Variants in MICAL3 observed in about 807,000 individuals in gnomAD.
The protein encoded by MICAL3 is [F-actin]-monooxygenase MICAL3.
In MICAL3, 62 loss-of-function variants were observed where a neutral mutation model predicts 207.4. The ratio of observed to expected loss-of-function variants is 0.30; its 90% confidence interval spans 0.24 to 0.37. MICAL3 has a LOEUF of 0.37. MICAL3 is among the 10% of genes least tolerant of loss of function. The probability of loss-of-function intolerance (pLI) is 1.00; values close to 1 mark genes in which losing one functional copy is unlikely to be tolerated. For synonymous variants in MICAL3, 1,077 were observed against 1,069.3 expected (o/e 1.01, Z -0.14); for missense variants, 2,368 against 2,635.6 (o/e 0.90, Z 2.22).
At chr22:17,949,396 C>CA (rs1934226900) in intron 1 of MICAL3, among the ~76,000 whole-genome samples, 1 of 152,086 alleles carries the variant, frequency 6.6e-6, no homozygotes, top group African/African-American at 2.4e-5. Context: ...AATGTTACCT[C>CA]ACTGTAGAAA....
intron 1 of MICAL3, among the ~76,000 whole-genome samples, chr22:17,944,649 C>G (rs1012127358): frequency 1.3e-5 from 2 of 152,198 alleles, no homozygotes; most frequent in Non-Finnish European, 2.9e-5. Context: ...GACGATAGGA[C>G]TGTGGGGACA....
rs565271774 is a variant in MICAL3, at chr22:17,826,533, C to T, written c.3193+1111G>A. On this transcript the variant is annotated intron_variant, in intron 22 of 31. Coordinates refer to ENST00000441493, the MANE Select transcript of MICAL3 (RefSeq NM_015241.3). ...GGTCGGGCACTGAATTTAAAACAGA[C>T]GACAAATACAAAGTTACACAGCAAT... is the stretch of plus-strand genomic sequence containing the variant. 133 of 985,152 alleles carry T rather than the reference C, an allele frequency of 1.4e-4. No individual in the cohort carries two copies. The East Asian group carries it at 1.7e-3, about 13-fold the overall frequency. 61.0% of individuals were successfully genotyped at this position (985,152 alleles called of 1,614,324 possible). A position where few individuals can be genotyped will look rare whatever the true frequency, so the allele number is the denominator to read the frequency against.
At position 17,864,960 on chromosome 22, in the gene MICAL3, G is replaced by A. The variant is rs569095141; in HGVS notation, c.2544C>T (p.Gly848=). The A allele has an allele frequency of 8.3e-5, 134 of 1,611,502 alleles. No homozygotes were observed. In the South Asian group the frequency reaches 1.2e-3, roughly 14 times the overall value. ...CCCGTCCGTTTGCATCTGTGGTGGC[G>A]CCATCCTGCAGGGGTCCTTTGGCCT... is the stretch of plus-strand genomic sequence containing the variant. ...GKEAKGPLQD[G]ATTDANGRAN... is the part of the protein sequence containing the mutation. The change falls in exon 19 of 32, where the codon GGC becomes GGT. Residue 848 remains glycine, a synonymous_variant. Transcript: ENST00000441493.
At chr22:17,875,623 G>T in intron 16 of MICAL3, 1 of 811,890 alleles carries the variant, frequency 1.2e-6, no homozygotes, top group Non-Finnish European at 1.8e-6. Flanking sequence ...ACTGACCTCT[G>T]AACATAAGAT....
In MICAL3 at chr22:17,936,423, C is replaced by T. The variant is rs148586258; in HGVS notation, c.-74-29537G>A. On this transcript the variant is annotated intron_variant, in intron 1 of 31. Coordinates refer to ENST00000441493, the MANE Select transcript of MICAL3 (RefSeq NM_015241.3). ...GGGAACACCACACACCAGGGCCTGT[C>T]GTGGGGTAGGGGACTAGGGGAGGGA... 3.2e-3 allele frequency among the ~76,000 whole-genome samples: 479 copies of T among 151,990 alleles called. 4 individuals are homozygous for T. Among genetic ancestry groups the T allele is most frequent in the African/African-American group, 0.011 (459 of 41,442 alleles).
chr22:17,976,531 A>G (rs12160135), intron 1 of MICAL3, among the ~76,000 whole-genome samples: 33 of 114,730 alleles, frequency 2.9e-4, no homozygotes, highest in African/African-American at 1.0e-3. Flanking sequence ...ATATGTGTAT[A>G]TATATGTGTG....
At chr22:17,852,382 C>A (rs1231116560) in intron 19 of MICAL3, among the ~76,000 whole-genome samples, 1 of 152,006 alleles carries the variant, frequency 6.6e-6, no homozygotes, top group Non-Finnish European at 1.5e-5. Flanking sequence ...ATCACAGTCA[C>A]ACTTCTGTTT....
intron 28 of MICAL3, among the ~76,000 whole-genome samples, chr22:17,809,248 A>C (rs1055578796): frequency 3.3e-5 from 5 of 152,254 alleles, no homozygotes. Context: ...GGGCCTGAGT[A>C]CCAGAACCTC....
intron 16 of MICAL3, among the ~76,000 whole-genome samples, chr22:17,872,303 C>A (rs1927801719): frequency 6.6e-6 from 1 of 152,192 alleles, no homozygotes; most frequent in South Asian, 2.1e-4. Context: ...CACAGTGCTT[C>A]ACACCAGACT....
chr22:17,855,367 T>C (rs182578901), intron 19 of MICAL3, among the ~76,000 whole-genome samples: 1 of 152,276 alleles, frequency 6.6e-6, no homozygotes, highest in Admixed American at 6.5e-5. Flanking sequence ...TGTAACACAA[T>C]GGAAGTGTCA....
At chr22:17,905,628 C>A (rs1931657229) in intron 2 of MICAL3, among the ~76,000 whole-genome samples, 1 of 152,132 alleles carries the variant, frequency 6.6e-6, no homozygotes. Context: ...CTCTAGGTAT[C>A]CCCTATTGCA....
intron 11 of MICAL3, among the ~76,000 whole-genome samples, chr22:17,893,364 T>C (rs1930535279): frequency 1.3e-5 from 2 of 152,134 alleles, no homozygotes; most frequent in African/African-American, 4.8e-5. Flanking sequence ...ACATACAAAA[T>C]CTGGAGTGGT....
chr22:17,963,477 C>CT (rs1935009121), intron 1 of MICAL3, among the ~76,000 whole-genome samples: 1 of 152,210 alleles, frequency 6.6e-6, no homozygotes, highest in South Asian at 2.1e-4. Flanking sequence ...CTCCCAAGCA[C>CT]TGACGCAGGA....
At chr22:17,899,905 G>T (rs975570435) in intron 6 of MICAL3, among the ~76,000 whole-genome samples, 1 of 152,196 alleles carries the variant, frequency 6.6e-6, no homozygotes, top group Non-Finnish European at 1.5e-5. Context: ...AAGGAAGCTG[G>T]AGGAATCTCC....
intron 1 of MICAL3, among the ~76,000 whole-genome samples, chr22:17,943,695 A>C (rs1933916927): frequency 6.6e-6 from 1 of 152,238 alleles, no homozygotes; most frequent in South Asian, 2.1e-4. Flanking sequence ...AGGAAACAAA[A>C]GAGCAATAAT....
At chr22:17,875,427 T>A (rs1443221297) in intron 16 of MICAL3, 1 of 1,464,060 alleles carries the variant, frequency 6.8e-7, no homozygotes, top group African/African-American at 1.4e-5. Context: ...AGAGTTTTAG[T>A]GAGTCCTAGG....
intron 1 of MICAL3, among the ~76,000 whole-genome samples, chr22:17,950,517 C>T (rs903383275): frequency 1.3e-5 from 2 of 151,610 alleles, no homozygotes; most frequent in Non-Finnish European, 2.9e-5. Context: ...TTTTATTTTT[C>T]GTAGAGACAG....
intron 19 of MICAL3, among the ~76,000 whole-genome samples, chr22:17,846,150 TG>T (rs781199792): frequency 2.7e-4 from 41 of 152,308 alleles, no homozygotes; most frequent in Non-Finnish European, 4.3e-4. Context: ...AAAGGGGAGC[TG>T]GGAGGCAGCA....
In MICAL3 at chr22:17,819,047, T is replaced by A; in HGVS notation, c.3614A>T (p.Lys1205Ile). 2 of 1,588,618 alleles carry A rather than the reference T, an allele frequency of 1.3e-6. No homozygotes were observed. The highest frequency in any genetic ancestry group is 1.7e-6 in the Non-Finnish European group (2 of 1,167,486). ...GGGGGCATCAGCTTTGGGCTTCTCT[T>A]TGGGGAGCAAAGGCTCAGGGAAAAG... The part of the protein sequence containing the change: ...ERLFPEPLLP[K>I]EKPKADAPSD... The change falls in exon 26 of 32, where the codon AAA (lysine) becomes ATA (isoleucine). Residue 1205 changes from lysine (K) to isoleucine (I), a missense_variant. Lys to Ile is a moderately radical substitution (Grantham distance 102). This residue lies in a region of MICAL3 where 1,770 missense variants were observed against 1,863.2 expected (regional missense o/e 0.95). Coordinates refer to ENST00000441493, the MANE Select transcript of MICAL3 (RefSeq NM_015241.3).
Sources: gnomAD v4.1 joint callset for allele counts (sites outside exome capture counted in the v4.1 genomes callset) on GRCh38, gnomAD v4.1.1 for gene constraint, gnomAD v4.1.1 regional missense constraint, MANE v1.5 for transcripts, NCBI Gene and HGNC (gene_info 2026-07-23, HGNC 2026-07-21) for gene names.